ABI3: variants seen among roughly 807,000 people sequenced by gnomAD.
The protein encoded by ABI3 is ABI family member 3, also known as ABI gene family member 3.
In ABI3, 24 loss-of-function variants were observed where a neutral mutation model predicts 37.0. That is an observed-to-expected ratio of 0.65 (90% CI 0.47 to 0.91). The LOEUF (loss-of-function observed/expected upper bound fraction) is 0.91, where lower values mean the gene tolerates loss of function less well. Ranked by LOEUF, ABI3 falls within the 40% of genes least tolerant of loss-of-function variation. The probability of loss-of-function intolerance (pLI) is 0.00; values close to 1 mark genes in which losing one functional copy is unlikely to be tolerated. For missense variants in ABI3, 481 were observed against 485.1 expected (o/e 0.99, Z 0.08); for synonymous variants, 220 against 211.8 (o/e 1.04, Z -0.34).
intron 6 of ABI3, among the ~76,000 whole-genome samples, chr17:49,221,507 G>T (rs374739438): frequency 1.3e-5 from 2 of 152,016 alleles, no homozygotes; most frequent in African/African-American, 4.8e-5. Flanking sequence ...AATCCTGAGA[G>T]GGTCTTTACC....
In ABI3 at chr17:49,212,135, G is replaced by T. The variant is rs530811971; in HGVS notation, c.117+1294G>T. Among the ~76,000 whole-genome samples the T allele has an allele frequency of 4.6e-5, 7 of 152,012 alleles. No homozygotes were observed. The East Asian group carries it at 1.4e-3, about 29-fold the overall frequency. On this transcript the variant is annotated intron_variant, in intron 1 of 7. Transcript: ENST00000225941. ...CCTGGCTAATTTTTTAAATTTTTTT[G>T]TAAAGACAGGGTCTCCATATGTAGC...
chr17:49,215,459 A>G (rs1040650039), intron 1 of ABI3, among the ~76,000 whole-genome samples: 2 of 151,618 alleles, frequency 1.3e-5, no homozygotes, highest in Non-Finnish European at 2.9e-5. Flanking sequence ...CCAGACACCA[A>G]TCTGCAGACT....
chr17:49,214,140 C>G (rs1043256802), intron 1 of ABI3, among the ~76,000 whole-genome samples: 1 of 152,206 alleles, frequency 6.6e-6, no homozygotes. Context: ...GTGTCTCAGA[C>G]CTTGCTCTGA....
chr17:49,218,913 G>A (rs968142250), intron 3 of ABI3, among the ~76,000 whole-genome samples: 2 of 151,878 alleles, frequency 1.3e-5, no homozygotes, highest in East Asian at 1.9e-4. Flanking sequence ...CACCACTCGC[G>A]GCCCAACTTA....
chr17:49,218,997 C>T (rs1180857827), intron 3 of ABI3, among the ~76,000 whole-genome samples: 1 of 152,064 alleles, frequency 6.6e-6, no homozygotes, highest in Non-Finnish European at 1.5e-5. Context: ...CTGTACCCAC[C>T]CCTTGGGGAA....
Position 49,222,892 on chromosome 17 carries a change from A to G in ABI3, c.*177A>G. On this transcript the variant is annotated 3_prime_UTR_variant, in exon 8 of 8. Coordinates refer to ENST00000225941, the MANE Select transcript of ABI3 (RefSeq NM_016428.3). ...GGTCCTGGGGAGAGAGAATTTATCCAGAGGCCTGCTGCAGATGGGGAAGAG... is the reference window on the plus strand; with the variant it reads ...GGTCCTGGGGAGAGAGAATTTATCCGGAGGCCTGCTGCAGATGGGGAAGAG... 2.8e-6 allele frequency: 2 copies of G among 723,886 alleles called. No individual in the cohort carries two copies. The highest frequency in any genetic ancestry group is 2.7e-5 in the East Asian group (1 of 36,572). 44.8% of individuals were successfully genotyped at this position (723,886 alleles called of 1,614,324 possible). A position where few individuals can be genotyped will look rare whatever the true frequency, so the allele number is the denominator to read the frequency against.
intron 1 of ABI3, among the ~76,000 whole-genome samples, chr17:49,211,344 G>A (rs1037905104): frequency 7.2e-5 from 11 of 152,226 alleles, no homozygotes; most frequent in South Asian, 2.1e-4. Flanking sequence ...AAAGAGAGGG[G>A]ATCTCATGCA....
chr17:49,222,515 G>T, intron 7 of ABI3, 37 bp from the exon 8 acceptor site: 1 of 1,607,514 alleles, frequency 6.2e-7, no homozygotes, highest in South Asian at 1.1e-5. Context: ...AGGGCAAGAG[G>T]CATTATCTCA....
chr17:49,218,027 C>A, intron 3 of ABI3, 112 bp downstream of exon 3: 2 of 1,111,884 alleles, frequency 1.8e-6, no homozygotes, highest in East Asian at 5.7e-5. Flanking sequence ...CCACTCCTTT[C>A]TTTCCCCGCT....
At chr17:49,212,464 G>C (rs1425257155) in intron 1 of ABI3, among the ~76,000 whole-genome samples, 2 of 152,216 alleles carry the variant, frequency 1.3e-5, no homozygotes, top group Non-Finnish European at 2.9e-5. Context: ...GGACCTTGTA[G>C]CATAGTAAGA....
In ABI3 at chr17:49,210,908, G is replaced by T; in HGVS notation, c.117+67G>T. 3 of 1,342,530 alleles carry T rather than the reference G, an allele frequency of 2.2e-6. No individual in the cohort carries two copies. Among genetic ancestry groups the T allele is most frequent in the Non-Finnish European group, 3.1e-6 (3 of 972,538 alleles). 83.2% of individuals were successfully genotyped at this position (1,342,530 alleles called of 1,614,324 possible). A position where few individuals can be genotyped will look rare whatever the true frequency, so the allele number is the denominator to read the frequency against. ...GGGGGGACCCTGAGCCCTGCCCCAA[G>T]TGGGGCCCTGGGACCCATCCTGACA... is the stretch of plus-strand genomic sequence containing the variant. On this transcript the variant is annotated intron_variant, in intron 1 of 7. Coordinates refer to ENST00000225941, the MANE Select transcript of ABI3 (RefSeq NM_016428.3). This position sits in a 1 kb window ranked among gnomAD's most constrained non-coding sequence, Gnocchi z 4.2.
At chr17:49,214,188 G>A (rs1027040392) in intron 1 of ABI3, among the ~76,000 whole-genome samples, 1 of 152,112 alleles carries the variant, frequency 6.6e-6, no homozygotes, top group African/African-American at 2.4e-5. Context: ...AGGCCCTGAG[G>A]GGCACCCGAG....
At chr17:49,220,980 G>C (rs1483844214) in intron 6 of ABI3, among the ~76,000 whole-genome samples, 1 of 150,976 alleles carries the variant, frequency 6.6e-6, no homozygotes, top group Non-Finnish European at 1.5e-5. Flanking sequence ...CTTGAGGTCA[G>C]GAGTTTGAGA....
chr17:49,210,722 G>T lies in ABI3; in HGVS notation c.-3G>T, dbSNP rs1243611994. On this transcript the variant is annotated 5_prime_UTR_variant, in exon 1 of 8. Coordinates refer to ENST00000225941, the MANE Select transcript of ABI3 (RefSeq NM_016428.3). The surrounding 1 kb of genome is among the most constrained non-coding windows in gnomAD (Gnocchi z 4.2). Reference sequence around the variant, plus strand: ...CTGGGGAGCCAGACAGAGGCTGGGGGTGATGGCGGAGCTACAGCAGCTGCA... The same window carrying T: ...CTGGGGAGCCAGACAGAGGCTGGGGTTGATGGCGGAGCTACAGCAGCTGCA... 2 of 1,556,142 alleles carry T rather than the reference G, an allele frequency of 1.3e-6. No individual in the cohort carries two copies. The highest frequency in any genetic ancestry group is 8.7e-7 in the Non-Finnish European group (1 of 1,149,586).
chr17:49,213,437 T>C (rs1327329271), intron 1 of ABI3, among the ~76,000 whole-genome samples: 1 of 152,138 alleles, frequency 6.6e-6, no homozygotes, highest in Non-Finnish European at 1.5e-5. Context: ...AGAACTTCTG[T>C]TACCTAAGGC....
intron 6 of ABI3, among the ~76,000 whole-genome samples, chr17:49,221,876 GC>G (rs1429997098): frequency 2.0e-5 from 3 of 152,054 alleles, no homozygotes; most frequent in African/African-American, 7.2e-5. Context: ...GTGCCACCAT[GC>G]CCGGCTAATT....
At chr17:49,216,879 A>G (rs1465529869) in intron 2 of ABI3, among the ~76,000 whole-genome samples, 181 bp downstream of exon 2, 2 of 152,224 alleles carry the variant, frequency 1.3e-5, no homozygotes, top group Admixed American at 1.3e-4. Flanking sequence ...TGGCTACGCT[A>G]CAAATTCCCC....
chr17:49,219,244 G>A lies in ABI3; in HGVS notation c.463-296G>A, dbSNP rs2043253287. 6.6e-6 allele frequency among the ~76,000 whole-genome samples: 1 copy of A among 152,102 alleles called. No individual in the cohort carries two copies. The highest frequency in any genetic ancestry group is 2.1e-4 in the South Asian group (1 of 4,832). On this transcript the variant is annotated intron_variant, in intron 3 of 7. Coordinates refer to ENST00000225941, the MANE Select transcript of ABI3 (RefSeq NM_016428.3). The surrounding 1 kb of genome is among the most constrained non-coding windows in gnomAD (Gnocchi z 4.3). The stretch of plus-strand genomic sequence containing the variant: ...CACCAAGCCAGGGCCCCAGCTTCCT[G>A]GGCTCTGAGATGGTCTGGGGGAGGG...
chr17:49,212,319 T>G (rs2043177137), intron 1 of ABI3, among the ~76,000 whole-genome samples: 1 of 152,142 alleles, frequency 6.6e-6, no homozygotes, highest in Non-Finnish European at 1.5e-5. Flanking sequence ...GCTATGTGAC[T>G]TTACGACAGT....
Sources: gnomAD v4.1 joint callset for allele counts (sites outside exome capture counted in the v4.1 genomes callset) on GRCh38, gnomAD v4.1.1 for gene constraint, Gnocchi (gnomAD v3.1) non-coding constraint, MANE v1.5 for transcripts, NCBI Gene and HGNC (gene_info 2026-07-23, HGNC 2026-07-21) for gene names.